Variants in ZUP1 observed in about 807,000 individuals in gnomAD.
The protein encoded by ZUP1 is zinc finger containing ubiquitin peptidase 1, also known as zinc finger-containing ubiquitin peptidase 1.
In ZUP1, 55 loss-of-function variants were observed where a neutral mutation model predicts 68.1. The ratio of observed to expected loss-of-function variants is 0.81; its 90% CI spans 0.65 to 1.01. ZUP1 has a LOEUF of 1.01. ZUP1 is among the 50% of genes least tolerant of loss of function. The probability of loss-of-function intolerance (pLI) is 0.00; values close to 1 mark genes in which losing one functional copy is unlikely to be tolerated. For missense variants in ZUP1, 684 were observed against 674.9 expected, an observed-to-expected ratio of 1.01 and a Z score of -0.15; for synonymous variants, 223 against 221.5, an observed-to-expected ratio of 1.01 and a Z score of -0.06.
At position 116,651,636 on chromosome 6, in the gene ZUP1, G is replaced by A. The variant is rs759706605; in HGVS notation, c.1252C>T (p.Gln418Ter). 6.2e-7 allele frequency: 1 copy of A among 1,613,746 alleles called. No individual in the cohort carries two copies. Among genetic ancestry groups the A allele is most frequent in the African/African-American group, 1.3e-5 (1 of 74,910 alleles). ...QGASQLNNRL[Q>*]GTKAWIGACE... is the part of the protein sequence containing the mutation. ...GCTCCAATCCAGGCCTTTGTTCCCT[G>A]TAACCTGTTATTAAGTTGAGAGGCC... Residue 418 changes from glutamine to a stop codon, truncating the protein, a stop_gained, in exon 7 of 10, where the codon CAG (glutamine) becomes TAG (stop). Transcript: ENST00000368576. LOFTEE classifies it high-confidence loss of function.
At chr6:116,661,440 G>C (rs1776838442) in intron 2 of ZUP1, among the ~76,000 whole-genome samples, 1 of 152,306 alleles carries the variant, frequency 6.6e-6, no homozygotes, top group East Asian at 1.9e-4. Context: ...GTAGGGCCCA[G>C]TCTGGATATG....
At chr6:116,662,283 G>C (rs1172629843) in intron 2 of ZUP1, among the ~76,000 whole-genome samples, 1 of 152,112 alleles carries the variant, frequency 6.6e-6, no homozygotes, top group Non-Finnish European at 1.5e-5. Flanking sequence ...TTATCGCTTT[G>C]ATCATCACAC....
chr6:116,639,865 A>AG (rs1314018172), intron 9 of ZUP1, among the ~76,000 whole-genome samples: 1 of 152,238 alleles, frequency 6.6e-6, no homozygotes, highest in Admixed American at 6.5e-5. Context: ...TGAGAGAAGA[A>AG]GGCTTCAGAC....
chr6:116,639,890 G>A lies in ZUP1; in HGVS notation c.1690-4011C>T, dbSNP rs189835038. On this transcript the variant is annotated intron_variant, in intron 9 of 9. Transcript: ENST00000368576. ...AGGCTTCAGACGATCAAACTACTCC[G>A]AGCTACAGGATGAAATTCAAACCAC... is the stretch of plus-strand genomic sequence containing the variant. Among the ~76,000 whole-genome samples the A allele has an allele frequency of 3.3e-3, 503 of 152,300 alleles. 12 individuals carry two copies. The highest frequency in any genetic ancestry group is 0.024 in the Admixed American group (368 of 15,300).
Position 116,642,420 on chromosome 6 carries a change from T to G in ZUP1, c.1689+3294A>C, listed in dbSNP as rs540989474. 7.1e-3 allele frequency among the ~76,000 whole-genome samples: 1,085 copies of G among 152,086 alleles called. 20 individuals are homozygous for G. The highest frequency in any genetic ancestry group is 0.027 in the Admixed American group (411 of 15,260). On this transcript the variant is annotated intron_variant, in intron 9 of 9. Transcript: ENST00000368576. ...TTAGACCAATATCCTTGATGAACATTGATGCAAAAATCCTCAATAAAATAC... is the reference window on the plus strand; with the variant it reads ...TTAGACCAATATCCTTGATGAACATGGATGCAAAAATCCTCAATAAAATAC...
At chr6:116,646,668 A>G (rs1161106919) in intron 8 of ZUP1, among the ~76,000 whole-genome samples, 1 of 152,164 alleles carries the variant, frequency 6.6e-6, no homozygotes, top group African/African-American at 2.4e-5. Context: ...CCCAACTCCA[A>G]GGCTCAAGTG....
At chr6:116,651,468 A>C (rs1776488915) in intron 7 of ZUP1, 104 bp downstream of exon 7, 2 of 961,490 alleles carry the variant, frequency 2.1e-6, no homozygotes, top group South Asian at 3.9e-5. Context: ...ATTTAGTGCT[A>C]CTTAATTTTA....
At chr6:116,636,758 A>G (rs1372425559) in intron 9 of ZUP1, among the ~76,000 whole-genome samples, 1 of 152,200 alleles carries the variant, frequency 6.6e-6, no homozygotes, top group Non-Finnish European at 1.5e-5. Context: ...GCAGTTATAA[A>G]TATGTATATT....
chr6:116,647,672 T>A lies in ZUP1; in HGVS notation c.1317-62A>T. ...TTTTAAAATATTTTCATCGATGGAG[T>A]TATCAAATACAACAAATTCTTAGTT... On this transcript the variant is annotated intron_variant, in intron 7 of 9. Coordinates refer to ENST00000368576, the MANE Select transcript of ZUP1 (RefSeq NM_145062.3). 2.3e-6 allele frequency: 3 copies of A among 1,298,534 alleles called. No homozygotes were observed. The South Asian group carries it at 6.2e-5, about 27-fold the overall frequency. The allele number at this position is 1,298,534 out of a possible 1,614,324, so 80.4% of individuals were successfully genotyped here.
intron 4 of ZUP1, 87 bp from the exon 5 acceptor site, chr6:116,656,939 A>G: frequency 3.3e-6 from 3 of 905,454 alleles, no homozygotes; most frequent in Non-Finnish European, 4.8e-6. Context: ...ATTTGGAAAC[A>G]TGTTGAAACA....
intron 5 of ZUP1, among the ~76,000 whole-genome samples, chr6:116,653,173 T>C (rs936732174): frequency 2.0e-5 from 3 of 152,040 alleles, no homozygotes; most frequent in Admixed American, 6.6e-5. Flanking sequence ...GCTTTTAGTA[T>C]ATTCTCCTTA....
At chr6:116,650,283 G>C (rs112251493) in intron 7 of ZUP1, among the ~76,000 whole-genome samples, 1 of 151,774 alleles carries the variant, frequency 6.6e-6, no homozygotes, top group African/African-American at 2.4e-5. Context: ...TTAGCCAGGC[G>C]TGGTAGCGGA....
chr6:116,645,287 GA>G lies in ZUP1; in HGVS notation c.1689+426del, dbSNP rs370480058. On this transcript the variant is annotated intron_variant, in intron 9 of 9. Coordinates refer to ENST00000368576, the MANE Select transcript of ZUP1 (RefSeq NM_145062.3). The stretch of plus-strand genomic sequence containing the variant: ...TAATGAAACAGAATAAGGTGCTAAG[GA>G]ATACAAAGTGGGCTAGGCACGGTGG... 5.8e-3 allele frequency among the ~76,000 whole-genome samples: 882 copies of G among 152,012 alleles called. 19 individuals carry two copies. In the South Asian group the frequency reaches 0.07, roughly 12 times the overall value.
Position 116,639,896 on chromosome 6 carries a change from C to G in ZUP1, c.1690-4017G>C, listed in dbSNP as rs181936884. The stretch of plus-strand genomic sequence containing the variant: ...CAGACGATCAAACTACTCCGAGCTA[C>G]AGGATGAAATTCAAACCACAGGCAA... On this transcript the variant is annotated intron_variant, in intron 9 of 9. Coordinates refer to ENST00000368576, the MANE Select transcript of ZUP1 (RefSeq NM_145062.3). Among the ~76,000 whole-genome samples the G allele has an allele frequency of 3.3e-3, 495 of 152,230 alleles. 12 individuals are homozygous for G. Among genetic ancestry groups the G allele is most frequent in the Admixed American group, 0.024 (367 of 15,290 alleles).
At chr6:116,661,631 C>T (rs1382932431) in intron 2 of ZUP1, among the ~76,000 whole-genome samples, 3 of 152,164 alleles carry the variant, frequency 2.0e-5, no homozygotes, top group South Asian at 2.1e-4. Flanking sequence ...GAAATTGTTC[C>T]TCTATAAGAC....
intron 9 of ZUP1, among the ~76,000 whole-genome samples, chr6:116,643,907 CAA>C (rs961879639): frequency 1.2e-3 from 175 of 152,154 alleles, no homozygotes; most frequent in African/African-American, 4.1e-3. Flanking sequence ...AGGCAACCTA[CAA>C]AATAGGAGAA....
chr6:116,645,089 T>G (rs1776248022), intron 9 of ZUP1, among the ~76,000 whole-genome samples: 1 of 151,912 alleles, frequency 6.6e-6, no homozygotes, highest in African/African-American at 2.4e-5. Flanking sequence ...AAGTTTTAAT[T>G]AACATACAGT....
rs753097561 is a variant in ZUP1 at position 116,645,736 on chromosome 6, G to T, written c.1667C>A (p.Ala556Asp). ...KQYQILAVEG[A>D]LSLEEKLARR... ...TACAAGTTTCTCCTCTAGAGAAAGA[G>T]CACCCTCTACTGCCAATATCTGGTA... Residue 556 changes from alanine (A) to aspartate (D), a missense_variant, in exon 9 of 10, where the codon GCT becomes GAT. Transcript: ENST00000368576. 4 of 1,612,152 alleles carry T rather than the reference G, an allele frequency of 2.5e-6. No individual in the cohort carries two copies. Among genetic ancestry groups the T allele is most frequent in the South Asian group, 1.1e-5 (1 of 90,388 alleles).
chr6:116,662,036 T>C (rs1415768367), intron 2 of ZUP1, among the ~76,000 whole-genome samples: 1 of 151,498 alleles, frequency 6.6e-6, no homozygotes, highest in African/African-American at 2.4e-5. Flanking sequence ...TAAGAAAAAA[T>C]AGAAAGATGA....
Sources: allele counts gnomAD v4.1 joint callset (sites outside exome capture counted in the v4.1 genomes callset), GRCh38; gene constraint gnomAD v4.1.1; transcripts MANE v1.5; gene names NCBI Gene and HGNC (gene_info 2026-07-23, HGNC 2026-07-21).